HDAC10: variants seen among roughly 807,000 people sequenced by gnomAD.
The protein encoded by HDAC10 is histone deacetylase 10.
In HDAC10, 90 loss-of-function variants were observed where a neutral mutation model predicts 82.3. The ratio of observed to expected loss-of-function variants is 1.09; its 90% CI spans 0.92 to 1.30. The LOEUF (loss-of-function observed/expected upper bound fraction) is 1.30. Among genes scored for constraint, HDAC10 ranks in the 50% most tolerant of loss-of-function variants. The pLI is 0.00. For missense variants in HDAC10, 934 were observed against 876.3 expected (o/e 1.07, Z -0.83); for synonymous variants, 456 against 391.7 (o/e 1.16, Z -1.94).
rs375871269 is a variant in HDAC10 at position 50,248,793 on chromosome 22, G to A, written c.816+38C>T. ...GTGTGATGGGGGACCTGGGCCCCAG[G>A]ACCCCAGAAGCCCTCCCTGGCAAGG... On this transcript the variant is annotated intron_variant, in intron 9 of 19. Transcript: ENST00000216271. The surrounding 1 kb of genome is among the most constrained non-coding windows in gnomAD (Gnocchi z 5.4). 1 of 1,602,690 alleles carries A rather than the reference G, an allele frequency of 6.2e-7. No homozygotes were observed. Among genetic ancestry groups the A allele is most frequent in the Non-Finnish European group, 8.5e-7 (1 of 1,174,826 alleles).
At position 50,246,002 on chromosome 22, in the gene HDAC10, G is replaced by T. The variant is rs972615726; in HGVS notation, c.1741C>A (p.Pro581Thr). The T allele has an allele frequency of 6.2e-7, 1 of 1,611,930 alleles. No individual in the cohort carries two copies. The highest frequency in any genetic ancestry group is 8.5e-7 in the Non-Finnish European group (1 of 1,179,664). The stretch of plus-strand genomic sequence containing the variant: ...TGGGGGCCCTGCAGGCCATGGCCAG[G>T]CCCCAGCGCCACCAGCACCAGGTCA... The part of the protein sequence containing the change: ...QPDLVLVALG[P>T]GHGLQGPHAA... Residue 581 changes from proline to threonine, a missense_variant, in exon 18 of 20, where the codon CCT becomes ACT. Coordinates refer to ENST00000216271, the MANE Select transcript of HDAC10 (RefSeq NM_032019.6).
rs763919429 is a variant in HDAC10, at chr22:50,248,009, G to A, written c.1218C>T (p.Pro406=). 42 of 1,612,742 alleles carry A rather than the reference G, an allele frequency of 2.6e-5. No homozygotes were observed. The highest frequency in any genetic ancestry group is 2.4e-4 in the South Asian group (22 of 91,082). ...CAACAGCGGTGCGGACAGAGGGTGC[G>A]GGGCAGAGGCACGGCTGGTCCAGGA... ...SSLLDQPCLC[P]APSVRTAVAL... Residue 406 remains proline, a synonymous_variant, in exon 13 of 20, where the codon CCC becomes CCT. Coordinates refer to ENST00000216271, the MANE Select transcript of HDAC10 (RefSeq NM_032019.6). This position sits in a 1 kb window ranked among gnomAD's most constrained non-coding sequence, Gnocchi z 5.4.
Position 50,251,193 on chromosome 22 carries a change from C to T in HDAC10, c.-161G>A, listed in dbSNP as rs2065083540. Reference sequence around the variant, plus strand: ...TGGGCGGGAGCGCACAGAACCTAGGCAGGCTCCGGGATCCCAGGCGCGCAG... The same window carrying T: ...TGGGCGGGAGCGCACAGAACCTAGGTAGGCTCCGGGATCCCAGGCGCGCAG... On this transcript the variant is annotated 5_prime_UTR_variant, in exon 1 of 20. Coordinates refer to ENST00000216271, the MANE Select transcript of HDAC10 (RefSeq NM_032019.6). 3.0e-6 allele frequency: 2 copies of T among 664,878 alleles called. No individual in the cohort carries two copies. Among genetic ancestry groups the T allele is most frequent in the East Asian group, 3.0e-5 (1 of 33,624 alleles). 41.2% of individuals were successfully genotyped at this position (664,878 alleles called of 1,614,324 possible). A position where few individuals can be genotyped will look rare whatever the true frequency, so the allele number is the denominator to read the frequency against.
rs776653252 is a variant in HDAC10, at chr22:50,248,641, C to T, written c.906+21G>A. On this transcript the variant is annotated intron_variant, in intron 10 of 19. Transcript: ENST00000216271. This position sits in a 1 kb window ranked among gnomAD's most constrained non-coding sequence, Gnocchi z 5.4. ...CAGGCCTCTGGCCCAGAGACCCTCC[C>T]TGTGTGCCCTCCCCAGTCACCTCCA... 6.5e-5 allele frequency: 97 copies of T among 1,485,214 alleles called. No individual in the cohort carries two copies. Among genetic ancestry groups the T allele is most frequent in the Non-Finnish European group, 8.6e-5 (96 of 1,115,470 alleles). The allele number at this position is 1,485,214 out of a possible 1,614,324, so 92.0% of individuals were successfully genotyped here. A position where few individuals can be genotyped will look rare whatever the true frequency, so the allele number is the denominator to read the frequency against.
In HDAC10 at chr22:50,248,350, C is replaced by T. The variant is rs1359046710; in HGVS notation, c.1013+16G>A. On this transcript the variant is annotated intron_variant, in intron 11 of 19. Transcript: ENST00000216271. The surrounding 1 kb of genome is among the most constrained non-coding windows in gnomAD (Gnocchi z 5.4). ...GTCTCACACCCCGGCCCTGCCCGCC[C>T]TACCTCCCCTCGCACCTCTGACATG... is the stretch of plus-strand genomic sequence containing the variant. 6 of 1,611,194 alleles carry T rather than the reference C, an allele frequency of 3.7e-6. No individual in the cohort carries two copies. Among genetic ancestry groups the T allele is most frequent in the African/African-American group, 1.3e-5 (1 of 74,902 alleles).
Position 50,246,281 on chromosome 22 carries a change from G to C in HDAC10, c.1650+17C>G. On this transcript the variant is annotated intron_variant, in intron 17 of 19. Coordinates refer to ENST00000216271, the MANE Select transcript of HDAC10 (RefSeq NM_032019.6). ...GGCTCCCCAGCACCTGCCTTGCCGC[G>C]TGGCATGGTCACTCACCACTGGCAG... is the stretch of plus-strand genomic sequence containing the variant. The C allele has an allele frequency of 1.2e-6, 2 of 1,609,002 alleles. No homozygotes were observed. Among genetic ancestry groups the C allele is most frequent in the Non-Finnish European group, 1.7e-6 (2 of 1,176,410 alleles).
chr22:50,247,722 C>G lies in HDAC10; in HGVS notation c.1392G>C (p.Leu464=). Residue 464 remains leucine, a synonymous_variant, in exon 14 of 20, where the codon CTG becomes CTC. Transcript: ENST00000216271. Reference sequence around the variant, plus strand: ...CATCCAGCATCCCATCTAAGAGGTACAGGAGCTTCCCAAGTGCAGTGAGGG... The same window carrying G: ...CATCCAGCATCCCATCTAAGAGGTAGAGGAGCTTCCCAAGTGCAGTGAGGG... ...EEALTALGKL[L]YLLDGMLDGQ... 4.4e-6 allele frequency: 7 copies of G among 1,598,206 alleles called. No individual in the cohort carries two copies. The highest frequency in any genetic ancestry group is 6.0e-6 in the Non-Finnish European group (7 of 1,168,820).
rs1555912231 is a variant in HDAC10, at chr22:50,249,231, G to GA, written c.691-64_691-63insT. On this transcript the variant is annotated intron_variant, in intron 7 of 19. Coordinates refer to ENST00000216271, the MANE Select transcript of HDAC10 (RefSeq NM_032019.6). This position sits in a 1 kb window ranked among gnomAD's most constrained non-coding sequence, Gnocchi z 4.4. ...GCAGGGGAGGGGCCCGGGGGAGGGG[G>GA]TGGGTGGGGACCTGGGGCTTGAGGG... 1.5e-6 allele frequency: 2 copies of GA among 1,306,290 alleles called. No individual in the cohort carries two copies. The highest frequency in any genetic ancestry group is 2.1e-6 in the Non-Finnish European group (2 of 936,384). The allele number at this position is 1,306,290 out of a possible 1,614,324, so 80.9% of individuals were successfully genotyped here.
In HDAC10 at chr22:50,245,719, T is replaced by G; in HGVS notation, c.1942A>C (p.Met648Leu). ...GGCTCCAGCTGCCCTCTCAGGTACA[T>G]CAGGGCCTGGACGTCCTCTGGGGAG... Reference protein sequence around the residue: ...VASPEDVQALMYLRGQLEPQW... With the variant: ...VASPEDVQALLYLRGQLEPQW... Residue 648 changes from methionine to leucine, a missense_variant, in exon 19 of 20, where the codon ATG becomes CTG. Coordinates refer to ENST00000216271, the MANE Select transcript of HDAC10 (RefSeq NM_032019.6). 1 of 1,613,196 alleles carries G rather than the reference T, an allele frequency of 6.2e-7. No individual in the cohort carries two copies. Among genetic ancestry groups the G allele is most frequent in the Non-Finnish European group, 8.5e-7 (1 of 1,179,930 alleles).
At position 50,248,508 on chromosome 22, in the gene HDAC10, TATC is replaced by T. The variant is rs1569135545; in HGVS notation, c.907-39_907-37del. On this transcript the variant is annotated intron_variant, in intron 10 of 19. Coordinates refer to ENST00000216271, the MANE Select transcript of HDAC10 (RefSeq NM_032019.6). This position sits in a 1 kb window ranked among gnomAD's most constrained non-coding sequence, Gnocchi z 5.4. ...GGTGGAGACATGATTGGGGCAGAGA[TATC>T]ACTGGGATGGGATGTCACCGGGAGA... is the stretch of plus-strand genomic sequence containing the variant. 1.3e-6 allele frequency: 2 copies of T among 1,577,576 alleles called. No homozygotes were observed. The highest frequency in any genetic ancestry group is 2.3e-5 in the South Asian group (2 of 88,602).
At position 50,248,080 on chromosome 22, in the gene HDAC10, G is replaced by A; in HGVS notation, c.1147C>T (p.Pro383Ser). 2.5e-6 allele frequency: 4 copies of A among 1,601,480 alleles called. No individual in the cohort carries two copies. Among genetic ancestry groups the A allele is most frequent in the Non-Finnish European group, 2.6e-6 (3 of 1,172,598 alleles). The change falls in exon 13 of 20, where the codon CCT becomes TCT. Residue 383 changes from proline to serine, a missense_variant. By Grantham distance (74) the Pro-to-Ser change is moderately conservative. Coordinates refer to ENST00000216271, the MANE Select transcript of HDAC10 (RefSeq NM_032019.6). The surrounding 1 kb of genome is among the most constrained non-coding windows in gnomAD (Gnocchi z 5.4). ...SPEGRPPPLL[P>S]GGPVCKAAAS... ...GCTGCCTTACACACTGGACCCCCAGGCAGCAGAGGTGGAGGCCTCCCCTCT... is the reference window on the plus strand; with the variant it reads ...GCTGCCTTACACACTGGACCCCCAGACAGCAGAGGTGGAGGCCTCCCCTCT...
At position 50,250,519 on chromosome 22, in the gene HDAC10, C is replaced by G; in HGVS notation, c.199G>C (p.Glu67Gln). 6.2e-7 allele frequency: 1 copy of G among 1,612,202 alleles called. No homozygotes were observed. The highest frequency in any genetic ancestry group is 8.5e-7 in the Non-Finnish European group (1 of 1,179,562). Reference protein sequence around the residue: ...EEELGLVHSPEYVSLVRETQV... With the variant: ...EEELGLVHSPQYVSLVRETQV... ...GTCTCCCTGACCAGGGATACATACTCTGGGCTGCATGCAGATGGGCAGGCA... is the reference window on the plus strand; with the variant it reads ...GTCTCCCTGACCAGGGATACATACTGTGGGCTGCATGCAGATGGGCAGGCA... Residue 67 changes from glutamate (E) to glutamine (Q), a missense_variant, in exon 3 of 20, where the codon GAG becomes CAG. By Grantham distance (29) the Glu-to-Gln change is conservative. Coordinates refer to ENST00000216271, the MANE Select transcript of HDAC10 (RefSeq NM_032019.6).
Position 50,248,262 on chromosome 22 carries a change from A to G in HDAC10, c.1044T>C (p.Ala348=). The change falls in exon 12 of 20, where the codon GCT becomes GCC. Residue 348 remains alanine, a synonymous_variant. Transcript: ENST00000216271. The surrounding 1 kb of genome is among the most constrained non-coding windows in gnomAD (Gnocchi z 5.4). ...GGCTCTTCCAGTGCGGGGCCTGGGC[A>G]GCACGGGCACTCTGGATGGACTCTA... The part of the protein sequence containing the change: ...SALESIQSAR[A]AQAPHWKSLQ... The G allele has an allele frequency of 6.2e-7, 1 of 1,612,532 alleles. No homozygotes were observed.
chr22:50,246,145 G>A, intron 17 of HDAC10, 53 bp from the exon 18 acceptor site: 1 of 1,560,894 alleles, frequency 6.4e-7, no homozygotes, highest in Non-Finnish European at 8.7e-7. Context: ...GCTGGCTCTG[G>A]CCTCCCAACC....
At position 50,248,559 on chromosome 22, in the gene HDAC10, G is replaced by C; in HGVS notation, c.907-87C>G. On this transcript the variant is annotated intron_variant, in intron 10 of 19. Coordinates refer to ENST00000216271, the MANE Select transcript of HDAC10 (RefSeq NM_032019.6). This position sits in a 1 kb window ranked among gnomAD's most constrained non-coding sequence, Gnocchi z 5.4. ...AGAGCCCCTGCCTGGCTCTATCCCG[G>C]GCAGGACGCCCCTCCCAAATACCCC... 1 of 1,489,692 alleles carries C rather than the reference G, an allele frequency of 6.7e-7. No individual in the cohort carries two copies. Among genetic ancestry groups the C allele is most frequent in the East Asian group, 2.5e-5 (1 of 40,672 alleles). 92.3% of individuals were successfully genotyped at this position (1,489,692 alleles called of 1,614,324 possible). A position where few individuals can be genotyped will look rare whatever the true frequency, so the allele number is the denominator to read the frequency against.
At chr22:50,245,577 G>C in intron 19 of HDAC10, 47 bp from the exon 20 acceptor site, 1 of 1,486,948 alleles carries the variant, frequency 6.7e-7, no homozygotes, top group Non-Finnish European at 9.4e-7. Flanking sequence ...TCCGGCGCTG[G>C]AGCTGGTTCA....
At chr22:50,246,480 G>A in intron 16 of HDAC10, 104 bp from the exon 17 acceptor site, 1 of 1,092,418 alleles carries the variant, frequency 9.2e-7, no homozygotes, top group Non-Finnish European at 1.4e-6. Flanking sequence ...GGGCAGGGGT[G>A]CTGTGACTGC....
chr22:50,249,944 T>C lies in HDAC10; in HGVS notation c.410A>G (p.Gln137Arg). The change falls in exon 5 of 20, where the codon CAG becomes CGG. Residue 137 changes from glutamine to arginine, a missense_variant. Coordinates refer to ENST00000216271, the MANE Select transcript of HDAC10 (RefSeq NM_032019.6). The surrounding 1 kb of genome is among the most constrained non-coding windows in gnomAD (Gnocchi z 4.4). ...ALVRPPGHHGQRAAANGFCVF... is the reference protein window; with the variant it reads ...ALVRPPGHHGRRAAANGFCVF... ...ACAGAACCCGTTGGCAGCCGCCCTC[T>C]GGCCATGGTGCCCGGGAGGCCTACG... is the stretch of plus-strand genomic sequence containing the variant. The C allele has an allele frequency of 6.2e-7, 1 of 1,612,826 alleles. No homozygotes were observed.
In HDAC10 at chr22:50,245,986, T is replaced by C. The variant is rs11553697; in HGVS notation, c.1757A>G (p.Gln586Arg). 0.018 allele frequency: 28,264 copies of C among 1,610,434 alleles called. 790 individuals carry two copies. The highest frequency in any genetic ancestry group is 0.14 in the East Asian group (6,198 of 44,722). The change falls in exon 18 of 20, where the codon CAG becomes CGG. Residue 586 changes from glutamine (Q) to arginine (R), a missense_variant. Transcript: ENST00000216271. ...LVALGPGHGLQGPHAALLAAM... is the reference protein window; with the variant it reads ...LVALGPGHGLRGPHAALLAAM... ...AGCCAGGAGTGCAGCGTGGGGGCCC[T>C]GCAGGCCATGGCCAGGCCCCAGCGC...
Sources: allele counts gnomAD v4.1 joint callset, GRCh38; gene constraint gnomAD v4.1.1; non-coding constraint Gnocchi (gnomAD v3.1); transcripts MANE v1.5; gene names NCBI Gene and HGNC (gene_info 2026-07-23, HGNC 2026-07-21).